Variants in SLC8A1 observed in about 807,000 individuals in gnomAD.
SLC8A1 encodes solute carrier family 8 member A1, also known as sodium/calcium exchanger 1.
Under a neutral mutation model 68.3 loss-of-function variants are expected in SLC8A1, and 18 were observed. The ratio of observed to expected loss-of-function variants is 0.26; its 90% CI spans 0.18 to 0.39. SLC8A1 has a LOEUF of 0.39. SLC8A1 is among the 10% of genes least tolerant of loss of function. The pLI is 1.00. For synonymous variants in SLC8A1, 475 were observed against 415.5 expected (o/e 1.14, Z -1.74); for missense variants, 985 against 1,156.7 (o/e 0.85, Z 2.15).
At chr2:40,264,119 TC>T (rs1332434514) in intron 2 of SLC8A1, among the ~76,000 whole-genome samples, 2 of 152,052 alleles carry the variant, frequency 1.3e-5, no homozygotes, top group African/African-American at 4.8e-5. Flanking sequence ...TCACTGGCCA[TC>T]AGAGAAATGC....
At chr2:40,190,282 C>G (rs1441480891) in intron 2 of SLC8A1, among the ~76,000 whole-genome samples, 1 of 152,172 alleles carries the variant, frequency 6.6e-6, no homozygotes, top group African/African-American at 2.4e-5. Flanking sequence ...CACAATCTCT[C>G]AATCCTTAAT....
chr2:40,336,992 T>C (rs986997946), intron 2 of SLC8A1, among the ~76,000 whole-genome samples: 22 of 152,168 alleles, frequency 1.4e-4, no homozygotes, highest in Admixed American at 6.5e-5. Context: ...ATTCAGTAAC[T>C]AGCATCCTTA....
intron 2 of SLC8A1, among the ~76,000 whole-genome samples, chr2:40,183,937 C>A (rs13035066): frequency 6.6e-6 from 1 of 152,070 alleles, no homozygotes; most frequent in African/African-American, 2.4e-5. Flanking sequence ...GGGAGGATAG[C>A]TTGAGTCCAG....
At chr2:40,461,533 G>A (rs115541259) in intron 1 of SLC8A1, among the ~76,000 whole-genome samples, 2,399 of 152,186 alleles carry the variant, frequency 0.016, 71 homozygotes, top group African/African-American at 0.055. Context: ...TGCCCACTCC[G>A]CGCCCCTGCA....
intron 2 of SLC8A1, among the ~76,000 whole-genome samples, chr2:40,186,518 G>A (rs1240622807): frequency 6.6e-6 from 1 of 152,050 alleles, no homozygotes; most frequent in African/African-American, 2.4e-5. Flanking sequence ...AGTGGAATAA[G>A]GACAGGTTGC....
At chr2:40,339,349 G>A (rs886492075) in intron 2 of SLC8A1, among the ~76,000 whole-genome samples, 2 of 152,154 alleles carry the variant, frequency 1.3e-5, no homozygotes, top group Non-Finnish European at 2.9e-5. Flanking sequence ...GCGGCAGGAG[G>A]AAAGGATATC....
chr2:40,224,967 G>A (rs1047922700), intron 2 of SLC8A1, among the ~76,000 whole-genome samples: 7 of 152,170 alleles, frequency 4.6e-5, no homozygotes, highest in African/African-American at 1.2e-4. Flanking sequence ...TGCAGAAGGC[G>A]AGAGTAAAGT....
chr2:40,309,586 A>T (rs2073309595), intron 2 of SLC8A1, among the ~76,000 whole-genome samples: 1 of 147,522 alleles, frequency 6.8e-6, no homozygotes. Context: ...GGCTGACCAT[A>T]ATTTCTGCTC....
intron 7 of SLC8A1, among the ~76,000 whole-genome samples, chr2:40,124,245 AC>A (rs539779226): frequency 4.3e-4 from 65 of 152,354 alleles, no homozygotes; most frequent in African/African-American, 1.5e-3. Flanking sequence ...GCTGGATTAT[AC>A]TGGTGTGATT....
intron 2 of SLC8A1, among the ~76,000 whole-genome samples, chr2:40,309,502 CTTTT>C (rs34863585): frequency 2.6e-4 from 32 of 123,288 alleles, no homozygotes; most frequent in Non-Finnish European, 4.5e-4. Flanking sequence ...GAATATTTTA[CTTTT>C]TTTTTTTTTT....
At chr2:40,168,914 C>G (rs1339660870) in intron 4 of SLC8A1, among the ~76,000 whole-genome samples, 1 of 152,160 alleles carries the variant, frequency 6.6e-6, no homozygotes, top group Non-Finnish European at 1.5e-5. Context: ...ACTTAAAGAT[C>G]AAATGCATAA....
intron 5 of SLC8A1, among the ~76,000 whole-genome samples, chr2:40,161,283 C>CA (rs1409777398): frequency 1.3e-5 from 2 of 152,040 alleles, no homozygotes; most frequent in East Asian, 3.9e-4. Context: ...ATTATGGAAC[C>CA]AAAAAATATT....
intron 2 of SLC8A1, chr2:40,254,538 T>C (rs1253805173): frequency 6.6e-6 from 1 of 151,486 alleles, no homozygotes; most frequent in Non-Finnish European, 1.5e-5. Flanking sequence ...AGTAAAGAAT[T>C]AGTCTCTTGA....
intron 2 of SLC8A1, among the ~76,000 whole-genome samples, chr2:40,365,822 A>G (rs1369708735): frequency 6.6e-6 from 1 of 151,866 alleles, no homozygotes; most frequent in African/African-American, 2.4e-5. Context: ...GCAATACGGT[A>G]AGATCTCACC....
chr2:40,376,997 G>C (rs1335570888), intron 2 of SLC8A1, among the ~76,000 whole-genome samples: 1 of 152,010 alleles, frequency 6.6e-6, no homozygotes, highest in Non-Finnish European at 1.5e-5. Context: ...CATACAACTT[G>C]CTTCTTATGA....
chr2:40,147,955 G>C (rs1264404434), intron 6 of SLC8A1, among the ~76,000 whole-genome samples: 2 of 152,090 alleles, frequency 1.3e-5, no homozygotes, highest in Non-Finnish European at 2.9e-5. Context: ...AAGAATCTGA[G>C]GCTCACACCA....
chr2:40,249,975 G>C (rs1007392616), intron 2 of SLC8A1, among the ~76,000 whole-genome samples: 1 of 152,096 alleles, frequency 6.6e-6, no homozygotes. Flanking sequence ...AAATCTATTG[G>C]TCTAGGTCTA....
intron 2 of SLC8A1, among the ~76,000 whole-genome samples, chr2:40,232,550 G>A (rs907601931): frequency 6.6e-6 from 1 of 150,502 alleles, no homozygotes; most frequent in African/African-American, 2.4e-5. Context: ...AATGGCCTTT[G>A]TGGAAGCAGT....
rs566209602 is a variant in SLC8A1 at position 40,311,342 on chromosome 2, C to G, written c.1808+117131G>C. On this transcript the variant is annotated intron_variant, in intron 2 of 7. Coordinates refer to ENST00000406785, the Ensembl canonical transcript of SLC8A1. The stretch of plus-strand genomic sequence containing the variant: ...CTTTTAAATCAGTTTCTTCTAGCAT[C>G]ATTGTATAGAAAAAAATCATTTTTT... 2.4e-3 allele frequency among the ~76,000 whole-genome samples: 358 copies of G among 151,722 alleles called. 2 individuals carry two copies. Among genetic ancestry groups the G allele is most frequent in the African/African-American group, 8.3e-3 (342 of 41,408 alleles).
Sources: gnomAD v4.1 joint callset for allele counts (sites outside exome capture counted in the v4.1 genomes callset) on GRCh38, gnomAD v4.1.1 for gene constraint, MANE v1.5 for transcripts, NCBI Gene and HGNC (gene_info 2026-07-23, HGNC 2026-07-21) for gene names.